The following CDH7 variants were observed in gnomAD, a reference collection of about 807,000 sequenced individuals.
The protein encoded by CDH7 is cadherin 7, also known as cadherin-7.
A neutral mutation model predicts 71.8 loss-of-function variants in CDH7; 25 were observed. The observed-to-expected ratio is 0.35, with a 90% CI of 0.25 to 0.49. CDH7 has a LOEUF of 0.49. Ranked by LOEUF, CDH7 falls within the 20% of genes least tolerant of loss-of-function variation. CDH7 has a pLI of 0.99. For missense variants in CDH7, 862 were observed against 974.6 expected, an observed-to-expected ratio of 0.88 and a Z score of 1.54; for synonymous variants, 381 against 363.8, an observed-to-expected ratio of 1.05 and a Z score of -0.54.
In CDH7 at chr18:65,809,759, A is replaced by G; in HGVS notation, c.266A>G (p.Glu89Gly). The change falls in exon 3 of 12, where the codon GAA becomes GGA. Residue 89 changes from glutamate (E) to glycine (G), a missense_variant. Transcript: ENST00000397968. ...TCCATCAAATACATCTTGTCAGGCG[A>G]AGGGGCAAGTTCCATTTTCATTATT... The part of the protein sequence containing the change: ...DGSIKYILSG[E>G]GASSIFIIDE... 6.2e-7 allele frequency: 1 copy of G among 1,614,068 alleles called. No homozygotes were observed. Among genetic ancestry groups the G allele is most frequent in the Non-Finnish European group, 8.5e-7 (1 of 1,179,962 alleles).
At chr18:65,830,599 C>G (rs897326815) in intron 6 of CDH7, among the ~76,000 whole-genome samples, 1 of 71,330 alleles carries the variant, frequency 1.4e-5, no homozygotes, top group East Asian at 5.2e-4. Context: ...CTTCCCTCCC[C>G]CCTTCCCTTT....
At chr18:65,801,981 G>T (rs1329630529) in intron 2 of CDH7, among the ~76,000 whole-genome samples, 1 of 152,170 alleles carries the variant, frequency 6.6e-6, no homozygotes, top group African/African-American at 2.4e-5. Flanking sequence ...TCTCCAAAAT[G>T]CCAGGTACAA....
At chr18:65,867,002 A>T (rs1599063217) in intron 11 of CDH7, among the ~76,000 whole-genome samples, 1 of 151,882 alleles carries the variant, frequency 6.6e-6, no homozygotes, top group Non-Finnish European at 1.5e-5. Flanking sequence ...GAAAAATTTC[A>T]TCAACATATG....
At chr18:65,768,330 G>T (rs554725516) in intron 2 of CDH7, among the ~76,000 whole-genome samples, 1 of 151,906 alleles carries the variant, frequency 6.6e-6, no homozygotes, top group Non-Finnish European at 1.5e-5. Flanking sequence ...CCGCCTCCCG[G>T]TTCAAGCAAT....
rs2143973514 is a variant in CDH7, at chr18:65,837,421, G to GTTTTACAACCT, written c.982-6391_982-6390insTTTTACAACCT. Among the ~76,000 whole-genome samples the GTTTTACAACCT allele has an allele frequency of 3.9e-5, 6 of 152,058 alleles. No individual in the cohort carries two copies. In the South Asian group the frequency reaches 1.2e-3, roughly 32 times the overall value. ...AAATGTTCTTGTATCATCATGACAGGGGATAGTTTTACAACCTGGAAAAAG... is the reference window on the plus strand; with the variant it reads ...AAATGTTCTTGTATCATCATGACAGGTTTTACAACCTGGATAGTTTTACAACCTGGAAAAAG... On this transcript the variant is annotated intron_variant, in intron 6 of 11. Coordinates refer to ENST00000397968, the MANE Select transcript of CDH7 (RefSeq NM_004361.5).
At chr18:65,759,993 C>T (rs1467177793) in intron 1 of CDH7, among the ~76,000 whole-genome samples, 1 of 152,136 alleles carries the variant, frequency 6.6e-6, no homozygotes, top group African/African-American at 2.4e-5. Flanking sequence ...ATATGGTTCT[C>T]TGGAACCAAC....
Position 65,880,768 on chromosome 18 carries a change from A to T in CDH7, c.2232A>T (p.Ser744=). 1 of 1,614,118 alleles carries T rather than the reference A, an allele frequency of 6.2e-7. No individual in the cohort carries two copies. Among genetic ancestry groups the T allele is most frequent in the Non-Finnish European group, 8.5e-7 (1 of 1,180,022 alleles). The change falls in exon 12 of 12, where the codon TCA becomes TCT. Residue 744 remains serine, a synonymous_variant. Transcript: ENST00000397968. ...AAGGAAATGGCTCAGTTGCTGAATC[A>T]CTCAGCTCTTTAGATTCCATCAGCT... is the stretch of plus-strand genomic sequence containing the variant. ...AFEGNGSVAE[S]LSSLDSISSN...
chr18:65,851,043 A>G (rs572525956), intron 7 of CDH7, among the ~76,000 whole-genome samples: 83 of 152,114 alleles, frequency 5.5e-4, no homozygotes, highest in African/African-American at 1.9e-3. Context: ...AACTCAAGCA[A>G]TCCACCCACC....
At chr18:65,873,407 A>G (rs545871462) in intron 11 of CDH7, among the ~76,000 whole-genome samples, 39 of 152,342 alleles carry the variant, frequency 2.6e-4, no homozygotes, top group African/African-American at 8.7e-4. Flanking sequence ...TGCATATGTA[A>G]TTTGAAATTT....
chr18:65,796,404 A>T (rs17075211), intron 2 of CDH7, among the ~76,000 whole-genome samples: 7,861 of 152,228 alleles, frequency 0.052, 682 homozygotes, highest in African/African-American at 0.18. Context: ...CTATGTGTCA[A>T]GTTATAAATT....
In CDH7 at chr18:65,781,962, TTCTCTCTCTCTCTCTCTC is replaced by T. The variant is rs575419221; in HGVS notation, c.210+18918_210+18935del. Among the ~76,000 whole-genome samples the T allele has an allele frequency of 7.2e-4, 33 of 45,924 alleles. 2 individuals are homozygous for T. Among genetic ancestry groups the T allele is most frequent in the African/African-American group, 2.6e-3 (13 of 4,996 alleles). 30.1% of individuals were successfully genotyped at this position (45,924 alleles called of 152,430 possible). A position where few individuals can be genotyped will look rare whatever the true frequency, so the allele number is the denominator to read the frequency against. On this transcript the variant is annotated intron_variant, in intron 2 of 11. Coordinates refer to ENST00000397968, the MANE Select transcript of CDH7 (RefSeq NM_004361.5). ...TCTCTCTCTTTCTCTCTTTCTCTCT[TTCTCTCTCTCTCTCTCTC>T]TCTCTCTTTCTCTCTTTCTCTCTTT...
At chr18:65,825,478 T>G (rs1912094262) in intron 6 of CDH7, among the ~76,000 whole-genome samples, 1 of 151,868 alleles carries the variant, frequency 6.6e-6, no homozygotes, top group Non-Finnish European at 1.5e-5. Flanking sequence ...AATGGACTCT[T>G]TACTCTCTTT....
intron 11 of CDH7, among the ~76,000 whole-genome samples, chr18:65,869,651 A>G (rs1913871098): frequency 7.0e-6 from 1 of 142,226 alleles, no homozygotes; most frequent in Non-Finnish European, 1.5e-5. Flanking sequence ...TGCATCTAGC[A>G]GTCTTTGAGC....
intron 11 of CDH7, among the ~76,000 whole-genome samples, chr18:65,872,638 G>A (rs1374045742): frequency 6.6e-6 from 1 of 152,172 alleles, no homozygotes; most frequent in Non-Finnish European, 1.5e-5. Flanking sequence ...ACTCATGACT[G>A]TAATCCCAGC....
chr18:65,783,511 A>G (rs1331468829), intron 2 of CDH7, among the ~76,000 whole-genome samples: 2 of 152,240 alleles, frequency 1.3e-5, no homozygotes, highest in Admixed American at 6.5e-5. Flanking sequence ...ACAAATGACC[A>G]TTGTGTCTTA....
intron 2 of CDH7, among the ~76,000 whole-genome samples, chr18:65,795,136 T>C (rs1352156457): frequency 6.6e-6 from 1 of 152,170 alleles, no homozygotes; most frequent in Non-Finnish European, 1.5e-5. Context: ...CATCATGATT[T>C]CATCATTGCT....
intron 6 of CDH7, among the ~76,000 whole-genome samples, chr18:65,826,879 A>G (rs934590691): frequency 6.6e-6 from 1 of 150,570 alleles, no homozygotes; most frequent in East Asian, 1.9e-4. Context: ...AATTTCGTGT[A>G]TTGTTGAAGT....
intron 6 of CDH7, among the ~76,000 whole-genome samples, chr18:65,836,684 AAAT>A (rs71167155): frequency 1.0e-4 from 15 of 150,166 alleles, no homozygotes; most frequent in African/African-American, 3.7e-4. Flanking sequence ...AGTATAATTA[AAAT>A]AATAATAATA....
chr18:65,785,117 G>A (rs374700353), intron 2 of CDH7, among the ~76,000 whole-genome samples: 5 of 152,038 alleles, frequency 3.3e-5, no homozygotes, highest in Non-Finnish European at 2.9e-5. Context: ...TTGCAAAGCC[G>A]TACATTTAAA....
Sources: allele counts gnomAD v4.1 joint callset (sites outside exome capture counted in the v4.1 genomes callset), GRCh38; gene constraint gnomAD v4.1.1; transcripts MANE v1.5; gene names NCBI Gene and HGNC (gene_info 2026-07-23, HGNC 2026-07-21).